FRMD5: variants seen among roughly 807,000 people sequenced by gnomAD.
The protein encoded by FRMD5 is FERM domain containing 5, also known as FERM domain-containing protein 5.
Under a neutral mutation model 69.0 loss-of-function variants are expected in FRMD5, and 20 were observed. That is an observed-to-expected ratio of 0.29 (90% CI 0.20 to 0.42). The LOEUF (loss-of-function observed/expected upper bound fraction) is 0.42, where lower values mean the gene tolerates loss of function less well. FRMD5 is among the 10% of genes least tolerant of loss of function. The pLI is 1.00. For missense variants in FRMD5, 595 were observed against 708.6 expected (o/e 0.84, Z 1.82); for synonymous variants, 271 against 260.1 (o/e 1.04, Z -0.40).
At chr15:43,884,702 T>TG in intron 12 of FRMD5, 25 bp downstream of exon 12, 1 of 1,608,402 alleles carries the variant, frequency 6.2e-7, no homozygotes, top group Admixed American at 1.7e-5. Context: ...TACAACTGTT[T>TG]GGGGGGAAGC....
intron 1 of FRMD5, among the ~76,000 whole-genome samples, chr15:44,190,167 T>C (rs769592931): frequency 1.3e-5 from 2 of 152,156 alleles, no homozygotes; most frequent in Non-Finnish European, 2.9e-5. Context: ...ACTAGACACA[T>C]TTGAGAGACG....
intron 1 of FRMD5, among the ~76,000 whole-genome samples, chr15:43,954,232 C>T (rs1216267490): frequency 5.3e-5 from 8 of 152,202 alleles, no homozygotes; most frequent in Non-Finnish European, 1.0e-4. Flanking sequence ...GACTGTGATT[C>T]AGGACGTTCT....
intron 1 of FRMD5, among the ~76,000 whole-genome samples, chr15:44,121,910 G>T (rs540220401): frequency 6.7e-6 from 1 of 148,654 alleles, no homozygotes; most frequent in African/African-American, 2.5e-5. Context: ...CAGGAGAATC[G>T]CTTGAACCTG....
chr15:44,153,886 T>C (rs2077485095), intron 1 of FRMD5, among the ~76,000 whole-genome samples: 1 of 152,134 alleles, frequency 6.6e-6, no homozygotes, highest in African/African-American at 2.4e-5. Flanking sequence ...GAGAATTGCT[T>C]GAACCCAGGA....
intron 1 of FRMD5, among the ~76,000 whole-genome samples, chr15:43,973,013 CTTTTCTTGT>C (rs1359908541): frequency 1.3e-5 from 2 of 150,706 alleles, no homozygotes; most frequent in Non-Finnish European, 2.9e-5. Flanking sequence ...AGTTAATATC[CTTTTCTTGT>C]TTTTCTTGTT....
chr15:43,997,463 C>T (rs1889987406), intron 1 of FRMD5, among the ~76,000 whole-genome samples: 1 of 152,236 alleles, frequency 6.6e-6, no homozygotes, highest in Non-Finnish European at 1.5e-5. Flanking sequence ...AACACATTCT[C>T]TTGTGGTTCA....
intron 1 of FRMD5, among the ~76,000 whole-genome samples, chr15:44,158,308 G>C (rs1159107157): frequency 1.3e-5 from 2 of 152,080 alleles, no homozygotes; most frequent in Non-Finnish European, 2.9e-5. Context: ...AGAAAAAATA[G>C]AACAGAAGGG....
At chr15:44,091,085 C>T (rs1002143755) in intron 1 of FRMD5, among the ~76,000 whole-genome samples, 2 of 152,132 alleles carry the variant, frequency 1.3e-5, no homozygotes, top group African/African-American at 4.8e-5. Flanking sequence ...CAATTTATAG[C>T]AACTGTAAGC....
intron 1 of FRMD5, among the ~76,000 whole-genome samples, chr15:43,967,987 AACTCCC>A (rs1484143984): frequency 1.3e-5 from 2 of 151,364 alleles, no homozygotes; most frequent in Non-Finnish European, 2.9e-5. Flanking sequence ...TTCATTGTTC[AACTCCC>A]ACTTATGAGT....
At chr15:44,191,480 G>A (rs553740764) in intron 1 of FRMD5, among the ~76,000 whole-genome samples, 1 of 152,168 alleles carries the variant, frequency 6.6e-6, no homozygotes, top group African/African-American at 2.4e-5. Flanking sequence ...CAGCTACTCG[G>A]GAGGTTGAGG....
chr15:44,080,189 T>C (rs1893940395), intron 1 of FRMD5, among the ~76,000 whole-genome samples: 1 of 152,160 alleles, frequency 6.6e-6, no homozygotes, highest in South Asian at 2.1e-4. Flanking sequence ...TTTTATCTCC[T>C]TTAATTTTGT....
At chr15:43,881,817 T>C (rs475758) in intron 13 of FRMD5, among the ~76,000 whole-genome samples, 8,451 of 152,260 alleles carry the variant, frequency 0.056, 778 homozygotes, top group African/African-American at 0.19. Context: ...TACTAGACTT[T>C]GGTAACATGG....
chr15:43,955,718 A>C (rs1445300786), intron 1 of FRMD5, among the ~76,000 whole-genome samples: 1 of 152,212 alleles, frequency 6.6e-6, no homozygotes, highest in African/African-American at 2.4e-5. Flanking sequence ...ATTAGCCTCC[A>C]ATAAAAGAAC....
At chr15:43,885,528 G>C in intron 11 of FRMD5, 153 bp downstream of exon 11, 2 of 666,174 alleles carry the variant, frequency 3.0e-6, no homozygotes, top group East Asian at 2.7e-5. Context: ...GAAGGAAATA[G>C]TAAAAGGGTC....
At chr15:43,935,166 C>A (rs927947733) in intron 1 of FRMD5, among the ~76,000 whole-genome samples, 2 of 152,198 alleles carry the variant, frequency 1.3e-5, no homozygotes, top group South Asian at 2.1e-4. Flanking sequence ...TGAGCAGCAA[C>A]AGATGTCTTT....
At chr15:44,195,640 T>C (rs754568050), upstream of FRMD5, among the ~76,000 whole-genome samples, 2 of 152,022 alleles carry the variant, frequency 1.3e-5, no homozygotes, top group African/African-American at 2.4e-5. Context: ...TCCCGCCCTC[T>C]TGGGAGCCGG....
chr15:43,874,360 T>C lies in FRMD5; in HGVS notation c.1238A>G (p.Asn413Ser). 2 of 1,614,208 alleles carry C rather than the reference T, an allele frequency of 1.2e-6. No individual in the cohort carries two copies. Among genetic ancestry groups the C allele is most frequent in the Admixed American group, 1.7e-5 (1 of 60,032 alleles). Residue 413 changes from asparagine (N) to serine (S), a missense_variant, in exon 14 of 14, where the codon AAT becomes AGT. This residue lies in a region of FRMD5 where 245 missense variants were observed against 227.1 expected (regional missense o/e 1.08). Coordinates refer to ENST00000417257, the MANE Select transcript of FRMD5 (RefSeq NM_032892.5). ...PHVRSSRTDS[N>S]ERVAVIADEA... ...GTCTGCAATCACAGCTACTCGCTCATTGCTATCTGTCCGGCTGCTTCTCAC... is the reference window on the plus strand; with the variant it reads ...GTCTGCAATCACAGCTACTCGCTCACTGCTATCTGTCCGGCTGCTTCTCAC...
chr15:44,197,552 T>A (rs937319720), upstream of FRMD5, among the ~76,000 whole-genome samples: 3 of 151,418 alleles, frequency 2.0e-5, no homozygotes, highest in African/African-American at 7.3e-5. Context: ...CATGGTGGCA[T>A]GTGTCTGTAG....
intron 1 of FRMD5, among the ~76,000 whole-genome samples, chr15:43,938,988 A>C (rs2089813262): frequency 6.6e-6 from 1 of 151,750 alleles, no homozygotes; most frequent in Non-Finnish European, 1.5e-5. Context: ...CAGCCTCCCG[A>C]GTAGCTGGGA....
Sources: gnomAD v4.1 joint callset for allele counts (sites outside exome capture counted in the v4.1 genomes callset) on GRCh38, gnomAD v4.1.1 for gene constraint, gnomAD v4.1.1 regional missense constraint, MANE v1.5 for transcripts, NCBI Gene and HGNC (gene_info 2026-07-23, HGNC 2026-07-21) for gene names.